GABRA2: variants seen among roughly 807,000 people sequenced by gnomAD.
GABRA2 encodes the protein gamma-aminobutyric acid receptor subunit alpha-2.
In GABRA2, 16 loss-of-function variants were observed where a neutral mutation model predicts 48.7. The observed-to-expected ratio is 0.33, with a 90% CI of 0.22 to 0.50. GABRA2 has a LOEUF of 0.50. GABRA2 is among the 20% of genes least tolerant of loss of function. The probability of loss-of-function intolerance (pLI) is 0.98; values close to 1 mark genes in which losing one functional copy is unlikely to be tolerated. For missense variants in GABRA2, 275 were observed against 535.6 expected (o/e 0.51, Z 4.80); for synonymous variants, 185 against 184.5 (o/e 1.00, Z -0.02).
At chr4:46,286,437 T>C (rs1408530588) in intron 8 of GABRA2, among the ~76,000 whole-genome samples, 1 of 152,118 alleles carries the variant, frequency 6.6e-6, no homozygotes, top group Non-Finnish European at 1.5e-5. Flanking sequence ...TGTGAACATA[T>C]ATTTTTATTA....
chr4:46,253,538 C>T (rs933764127), intron 9 of GABRA2, among the ~76,000 whole-genome samples: 6 of 151,434 alleles, frequency 4.0e-5, no homozygotes, highest in African/African-American at 1.5e-4. Context: ...ACAAAATTCA[C>T]CTTATTTTCT....
At chr4:46,377,662 C>T (rs565080977) in intron 3 of GABRA2, among the ~76,000 whole-genome samples, 1 of 147,948 alleles carries the variant, frequency 6.8e-6, no homozygotes, top group Non-Finnish European at 1.5e-5. Flanking sequence ...GGCGCCTCTG[C>T]CCGGCCGCCC....
At chr4:46,345,766 T>C (rs1213084692) in intron 3 of GABRA2, among the ~76,000 whole-genome samples, 1 of 151,902 alleles carries the variant, frequency 6.6e-6, no homozygotes, top group Non-Finnish European at 1.5e-5. Flanking sequence ...GAGAGGCAAC[T>C]ACAAACATCC....
At chr4:46,325,629 C>T (rs1730224261) in intron 4 of GABRA2, among the ~76,000 whole-genome samples, 1 of 151,932 alleles carries the variant, frequency 6.6e-6, no homozygotes, top group South Asian at 2.1e-4. Context: ...CTTTCAGGGA[C>T]TTCAACATGA....
At chr4:46,263,187 C>T (rs2109357427) in intron 8 of GABRA2, among the ~76,000 whole-genome samples, 1 of 151,730 alleles carries the variant, frequency 6.6e-6, no homozygotes, top group Non-Finnish European at 1.5e-5. Context: ...AAAAAAGTTG[C>T]TTTTTAAAAG....
chr4:46,378,364 A>G (rs923638237), intron 3 of GABRA2, among the ~76,000 whole-genome samples: 3 of 151,906 alleles, frequency 2.0e-5, no homozygotes, highest in East Asian at 1.9e-4. Context: ...CTTACCCCCA[A>G]CCCTGTGCTA....
rs1717992295 is a variant in GABRA2, at chr4:46,389,806, AGAGAGAGAG to A, written c.-91_-83del. The stretch of plus-strand genomic sequence containing the variant: ...CTTGACGAGATAGGAAACTTGGGAG[AGAGAGAGAG>A]AGAGAGAGAGAGAGAGAGAGAGAGA... On this transcript the variant is annotated 5_prime_UTR_variant, in exon 1 of 10. Coordinates refer to ENST00000381620, the MANE Select transcript of GABRA2 (RefSeq NM_000807.4). The A allele has an allele frequency of 4.2e-6, 1 of 236,228 alleles. No individual in the cohort carries two copies. Among genetic ancestry groups the A allele is most frequent in the African/African-American group, 1.3e-4 (1 of 7,620 alleles). The allele number at this position is 236,228 out of a possible 1,614,324, so 14.6% of individuals were successfully genotyped here. A position where few individuals can be genotyped will look rare whatever the true frequency, so the allele number is the denominator to read the frequency against.
At chr4:46,272,754 C>T (rs2439209) in intron 8 of GABRA2, among the ~76,000 whole-genome samples, 95,129 of 151,694 alleles carry the variant, frequency 0.63, 30,505 homozygotes, top group South Asian at 0.76. Flanking sequence ...TTAGGAGGAA[C>T]AGACAGAAGG....
chr4:46,350,719 T>C (rs897882210), intron 3 of GABRA2, among the ~76,000 whole-genome samples: 1 of 151,874 alleles, frequency 6.6e-6, no homozygotes, highest in African/African-American at 2.4e-5. Flanking sequence ...ATTTCATTCT[T>C]TTTCCTCCTT....
intron 8 of GABRA2, among the ~76,000 whole-genome samples, chr4:46,279,690 T>C (rs574286362): frequency 6.6e-6 from 1 of 152,250 alleles, no homozygotes; most frequent in South Asian, 2.1e-4. Context: ...TATCCTAACA[T>C]AGTTTCTGTT....
At position 46,313,035 on chromosome 4, in the gene GABRA2, G is replaced by A. The variant is rs141040575; in HGVS notation, c.256-319C>T. 5.9e-5 allele frequency among the ~76,000 whole-genome samples: 9 copies of A among 151,632 alleles called. No homozygotes were observed. The East Asian group carries it at 1.8e-3, about 29-fold the overall frequency. On this transcript the variant is annotated intron_variant, in intron 4 of 9. Transcript: ENST00000381620. ...TGTAGTTTAGAGCTGCTTGGAGAGG[G>A]GATAAGCTTGAGCAGGGTCTGGTTG... is the stretch of plus-strand genomic sequence containing the variant.
chr4:46,315,142 T>TTG (rs1578018524), intron 4 of GABRA2, among the ~76,000 whole-genome samples: 2 of 151,392 alleles, frequency 1.3e-5, no homozygotes, highest in East Asian at 1.9e-4. Context: ...TGCATCTGTT[T>TTG]TTTTTTTTTT....
intron 3 of GABRA2, among the ~76,000 whole-genome samples, chr4:46,376,796 T>A (rs1007930427): frequency 6.6e-6 from 1 of 150,800 alleles, no homozygotes; most frequent in Admixed American, 6.6e-5. Context: ...TCTCCCTCTC[T>A]CCACGGTCTC....
In GABRA2 at chr4:46,305,665, T is replaced by C. The variant is rs1296297854; in HGVS notation, c.606A>G (p.Ala202=). The C allele has an allele frequency of 2.0e-5, 32 of 1,613,342 alleles. No individual in the cohort carries two copies. The highest frequency in any genetic ancestry group is 2.7e-5 in the Non-Finnish European group (32 of 1,179,326). Residue 202 remains alanine (A), a synonymous_variant, in exon 7 of 10, where the codon GCA becomes GCG. Coordinates refer to ENST00000381620, the MANE Select transcript of GABRA2 (RefSeq NM_000807.4). ...SEVTYIWTYN[A]SDSVQVAPDG... Reference sequence around the variant, plus strand: ...CAGGAGCAACCTGTACTGAATCAGATGCATTGTAAGTCCAAATATAAGTGA... The same window carrying C: ...CAGGAGCAACCTGTACTGAATCAGACGCATTGTAAGTCCAAATATAAGTGA...
At chr4:46,335,318 G>C (rs1447376570) in intron 3 of GABRA2, among the ~76,000 whole-genome samples, 1 of 152,122 alleles carries the variant, frequency 6.6e-6, no homozygotes, top group African/African-American at 2.4e-5. Context: ...TTTGGAACAA[G>C]GTGGAATTGT....
At chr4:46,325,828 A>C (rs1730265364) in intron 4 of GABRA2, among the ~76,000 whole-genome samples, 1 of 151,900 alleles carries the variant, frequency 6.6e-6, no homozygotes, top group African/African-American at 2.4e-5. Flanking sequence ...TTATTGAATA[A>C]GGAGTCCTTA....
intron 3 of GABRA2, among the ~76,000 whole-genome samples, chr4:46,347,667 A>G (rs772195371): frequency 2.0e-5 from 3 of 152,080 alleles, no homozygotes; most frequent in Admixed American, 1.3e-4. Flanking sequence ...GGAAAGCTAT[A>G]CAGTATTGGT....
At chr4:46,250,719 G>A (rs1375384704) in intron 9 of GABRA2, 115 bp from the exon 10 acceptor site, 1 of 696,870 alleles carries the variant, frequency 1.4e-6, no homozygotes, top group East Asian at 2.7e-5. Context: ...TCATGCATTA[G>A]CAAAAAACAG....
intron 3 of GABRA2, among the ~76,000 whole-genome samples, chr4:46,338,105 A>G (rs943802261): frequency 2.0e-5 from 3 of 151,876 alleles, no homozygotes; most frequent in African/African-American, 4.8e-5. Context: ...CATACACACC[A>G]TTTTAAAACT....
Sources: gnomAD v4.1 joint callset for allele counts (sites outside exome capture counted in the v4.1 genomes callset) on GRCh38, gnomAD v4.1.1 for gene constraint, MANE v1.5 for transcripts, NCBI Gene and HGNC (gene_info 2026-07-23, HGNC 2026-07-21) for gene names.